Variants in SEMA3D observed in about 807,000 individuals in gnomAD.
SEMA3D encodes semaphorin 3D.
In SEMA3D, 84 loss-of-function variants were observed where a neutral mutation model predicts 100.1. That is an observed-to-expected ratio of 0.84 (90% CI 0.70 to 1.01). The LOEUF (loss-of-function observed/expected upper bound fraction) is 1.01, where lower values mean the gene tolerates loss of function less well. Among genes scored for constraint, SEMA3D ranks in the 50% least tolerant of loss-of-function variants. The pLI, the probability that SEMA3D is intolerant of heterozygous loss-of-function variation, is 0.00. For missense variants in SEMA3D, 875 were observed against 934.1 expected, an observed-to-expected ratio of 0.94 and a Z score of 0.82; for synonymous variants, 312 against 320.7, an observed-to-expected ratio of 0.97 and a Z score of 0.29.
rs111931448 is a variant in SEMA3D, at chr7:85,043,880, T to G, written c.862-1595A>C. On this transcript the variant is annotated intron_variant, in intron 9 of 18. Transcript: ENST00000284136. ...CTGTGAGTCCAATTAAACCTATTTT[T>G]TTTAATAAATTCCCCAGTTTCTAGT... Among the ~76,000 whole-genome samples the G allele has an allele frequency of 2.8e-3, 424 of 152,232 alleles. 3 individuals carry two copies. The highest frequency in any genetic ancestry group is 9.8e-3 in the African/African-American group (406 of 41,556).
At position 85,042,039 on chromosome 7, in the gene SEMA3D, T is replaced by C. The variant is rs1790878952; in HGVS notation, c.976+132A>G. The C allele has an allele frequency of 2.1e-5, 15 of 699,214 alleles. No individual in the cohort carries two copies. The South Asian group carries it at 2.6e-4, about 12-fold the overall frequency. 43.3% of individuals were successfully genotyped at this position (699,214 alleles called of 1,614,324 possible). On this transcript the variant is annotated intron_variant, in intron 10 of 18. Transcript: ENST00000284136. Reference sequence around the variant, plus strand: ...TTCCGTGTACTTTGCGTGTGAATTTTAGTAAGAACCACTCCTGTAAGGTTT... The same window carrying C: ...TTCCGTGTACTTTGCGTGTGAATTTCAGTAAGAACCACTCCTGTAAGGTTT...
In SEMA3D at chr7:85,053,307, C is replaced by G. The variant is rs139740950; in HGVS notation, c.861+2410G>C. Among the ~76,000 whole-genome samples, 32 of 151,996 alleles carry G rather than the reference C, an allele frequency of 2.1e-4. No homozygotes were observed. The East Asian group carries it at 6.0e-3, about 28-fold the overall frequency. On this transcript the variant is annotated intron_variant, in intron 9 of 18. Coordinates refer to ENST00000284136, the MANE Select transcript of SEMA3D (RefSeq NM_001384900.1). ...CTTCTTAGATCTTTACTTGTATCTA[C>G]TGAACTCAATTTTGTTTCATAGCAT...
At chr7:85,236,798 T>C in the SEMA3D span, among the ~76,000 whole-genome samples, 1 of 152,160 alleles carries the variant, frequency 6.6e-6, no homozygotes, top group African/African-American at 2.4e-5. Flanking sequence ...CTAATTTGAA[T>C]TAAGCCAGAT....
chr7:85,118,596 A>T (rs1789314138), intron 3 of SEMA3D, among the ~76,000 whole-genome samples: 1 of 152,152 alleles, frequency 6.6e-6, no homozygotes, highest in African/African-American at 2.4e-5. Context: ...TTACAGTAGG[A>T]ATAGAACAGC....
Position 84,999,688 on chromosome 7 carries a change from C to T in SEMA3D, c.2086G>A (p.Glu696Lys). The T allele has an allele frequency of 6.2e-7, 1 of 1,614,056 alleles. No individual in the cohort carries two copies. ...NEQMENTQRAEHEEGKVKDLL... is the reference protein window; with the variant it reads ...NEQMENTQRAKHEEGKVKDLL... Reference sequence around the variant, plus strand: ...TCCTTGACCTTCCCCTCCTCATGCTCTGCCCTCTGGGTATTTTCCATCTGT... The same window carrying T: ...TCCTTGACCTTCCCCTCCTCATGCTTTGCCCTCTGGGTATTTTCCATCTGT... Residue 696 changes from glutamate (E) to lysine (K), a missense_variant, in exon 19 of 19, where the codon GAG becomes AAG. By Grantham distance (56) the Glu-to-Lys change is moderately conservative. Coordinates refer to ENST00000284136, the MANE Select transcript of SEMA3D (RefSeq NM_001384900.1).
rs189740125 is a variant in SEMA3D, at chr7:85,176,672, G to A, written c.-173+10006C>T. ...GTCTGACTGAAGGAAAGCTTCCTGA[G>A]AGACACTAAAACTCAATTAAAAAAA... On this transcript the variant is annotated intron_variant, in intron 1 of 18. Coordinates refer to ENST00000284136, the MANE Select transcript of SEMA3D (RefSeq NM_001384900.1). 3.8e-3 allele frequency among the ~76,000 whole-genome samples: 579 copies of A among 151,924 alleles called. 5 individuals are homozygous for A. Among genetic ancestry groups the A allele is most frequent in the Non-Finnish European group, 5.1e-3 (344 of 67,912 alleles).
intron 8 of SEMA3D, among the ~76,000 whole-genome samples, chr7:85,056,542 T>C (rs1043985950): frequency 6.6e-6 from 1 of 151,246 alleles, no homozygotes; most frequent in African/African-American, 2.4e-5. Context: ...TATATACATA[T>C]AGCATATATA....
At chr7:85,208,700 G>A in the SEMA3D span, among the ~76,000 whole-genome samples, 32 of 152,080 alleles carry the variant, frequency 2.1e-4, no homozygotes, top group Admixed American at 9.2e-4. Flanking sequence ...CTGCTCCATC[G>A]GATCTCTCCC....
chr7:85,246,549 A>G, the SEMA3D span, among the ~76,000 whole-genome samples: 1 of 152,064 alleles, frequency 6.6e-6, no homozygotes, highest in Non-Finnish European at 1.5e-5. Flanking sequence ...TCAATATTAG[A>G]GAAATAAAAA....
chr7:85,207,846 A>C, the SEMA3D span, among the ~76,000 whole-genome samples: 1 of 152,090 alleles, frequency 6.6e-6, no homozygotes, highest in African/African-American at 2.4e-5. Context: ...TATAGAGCTT[A>C]CATGGAGATA....
chr7:85,081,916 T>C (rs550803200), intron 4 of SEMA3D, among the ~76,000 whole-genome samples: 4 of 152,334 alleles, frequency 2.6e-5, no homozygotes, highest in African/African-American at 9.6e-5. Flanking sequence ...GTATGTACCA[T>C]GTTTTTCTGT....
chr7:85,219,887 G>A, the SEMA3D span, among the ~76,000 whole-genome samples: 4 of 151,938 alleles, frequency 2.6e-5, no homozygotes, highest in East Asian at 1.9e-4. Flanking sequence ...TTATTCACAC[G>A]GAAATATAGA....
intron 6 of SEMA3D, among the ~76,000 whole-genome samples, chr7:85,072,018 T>C (rs1266598620): frequency 2.6e-5 from 4 of 152,244 alleles, no homozygotes; most frequent in Admixed American, 2.6e-4. Context: ...ATGTAGCATG[T>C]AATTTATTCC....
chr7:85,227,297 G>T, the SEMA3D span, among the ~76,000 whole-genome samples: 1 of 152,128 alleles, frequency 6.6e-6, no homozygotes, highest in Non-Finnish European at 1.5e-5. Context: ...AAATTTCTAT[G>T]TGGAAAGGTA....
At chr7:85,039,965 AAC>A (rs1163629828) in intron 11 of SEMA3D, among the ~76,000 whole-genome samples, 2 of 149,286 alleles carry the variant, frequency 1.3e-5, no homozygotes, top group Admixed American at 6.7e-5. Context: ...TATATACGCA[AAC>A]ACTTTTTTTT....
chr7:85,040,787 T>A (rs780479055), intron 10 of SEMA3D, 45 bp from the exon 11 acceptor site: 2 of 900,236 alleles, frequency 2.2e-6, no homozygotes, highest in Middle Eastern at 2.9e-4. Context: ...TTTTCAGTAT[T>A]ACATTGCTTT....
the SEMA3D span, among the ~76,000 whole-genome samples, chr7:85,245,356 G>A: frequency 6.6e-6 from 1 of 152,188 alleles, no homozygotes; most frequent in African/African-American, 2.4e-5. Context: ...TTACAGAATT[G>A]TGCCTGAATA....
intron 15 of SEMA3D, among the ~76,000 whole-genome samples, chr7:85,017,942 A>G (rs1790150232): frequency 6.6e-6 from 1 of 151,744 alleles, no homozygotes; most frequent in South Asian, 2.1e-4. Context: ...TGTAATGGTT[A>G]GGGTTGATAT....
the SEMA3D span, among the ~76,000 whole-genome samples, chr7:85,215,332 C>T: frequency 1.3e-5 from 2 of 152,042 alleles, no homozygotes; most frequent in Non-Finnish European, 2.9e-5. Flanking sequence ...TTGTTGTTCT[C>T]ATATTAGAAA....
Sources: allele counts gnomAD v4.1 joint callset (sites outside exome capture counted in the v4.1 genomes callset), GRCh38; gene constraint gnomAD v4.1.1; transcripts MANE v1.5; gene names NCBI Gene and HGNC (gene_info 2026-07-23, HGNC 2026-07-21).